The following MYO9B variants were observed in gnomAD, a reference collection of about 807,000 sequenced individuals.
MYO9B encodes unconventional myosin-IXb.
MYO9B carries 71 observed loss-of-function variants against 229.5 expected under a neutral mutation model. The observed-to-expected ratio is 0.31, with a 90% CI of 0.26 to 0.38. MYO9B has a LOEUF of 0.38. Among genes scored for constraint, MYO9B ranks in the 10% least tolerant of loss-of-function variants. The pLI, the probability that MYO9B is intolerant of heterozygous loss-of-function variation, is 1.00. For synonymous variants in MYO9B, 1,185 were observed against 1,235.8 expected (o/e 0.96, Z 0.86); for missense variants, 2,255 against 2,920.5 (o/e 0.77, Z 5.25).
chr19:17,206,608 C>T (rs1232482403), intron 33 of MYO9B, 71 bp from the exon 34 acceptor site: 16 of 1,394,436 alleles, frequency 1.1e-5, no homozygotes, highest in African/African-American at 4.3e-5. Context: ...CATCTCAGGT[C>T]GTGTTGGTGG....
intron 8 of MYO9B, among the ~76,000 whole-genome samples, chr19:17,161,016 T>G (rs1484106410): frequency 1.3e-5 from 2 of 151,680 alleles, no homozygotes; most frequent in African/African-American, 4.8e-5. Flanking sequence ...TTTTTTCCTT[T>G]TGCATCTTTA....
chr19:17,086,418 G>A (rs866810715), intron 1 of MYO9B, among the ~76,000 whole-genome samples: 4 of 152,294 alleles, frequency 2.6e-5, no homozygotes, highest in Non-Finnish European at 5.9e-5. Context: ...TGCCCTGAGC[G>A]CCGCCCCACA....
chr19:17,175,562 G>T (rs550371047), intron 13 of MYO9B, 101 bp from the exon 14 acceptor site: 2 of 952,602 alleles, frequency 2.1e-6, no homozygotes, highest in South Asian at 1.7e-5. Context: ...CTGGGTGACA[G>T]AGCAAGACTC....
At chr19:17,102,642 T>C in intron 2 of MYO9B, 85 bp downstream of exon 2, 1 of 1,452,160 alleles carries the variant, frequency 6.9e-7, no homozygotes, top group Non-Finnish European at 9.1e-7. Flanking sequence ...GGCCCACATC[T>C]ATAATCCCAA....
chr19:17,090,719 G>A (rs1053444261), intron 1 of MYO9B, among the ~76,000 whole-genome samples: 2 of 152,104 alleles, frequency 1.3e-5, no homozygotes, highest in South Asian at 2.1e-4. Flanking sequence ...GTGGTAGAGC[G>A]GGTGTGTTAG....
In MYO9B at chr19:17,195,223, G is replaced by A. The variant is rs866108014; in HGVS notation, c.3796G>A (p.Gly1266Ser). 1.1e-5 allele frequency: 17 copies of A among 1,610,946 alleles called. No individual in the cohort carries two copies. The African/African-American group carries it at 1.2e-4, about 11-fold the overall frequency. ...CAGCAGGGTCAGCCCACCGGCCCCTGGCAGCGCCCCCGAGACCCCCGAGGA... is the reference window on the plus strand; with the variant it reads ...CAGCAGGGTCAGCCCACCGGCCCCTAGCAGCGCCCCCGAGACCCCCGAGGA... ...LDSRVSPPAP[G>S]SAPETPEDKS... is the part of the protein sequence containing the mutation. The change falls in exon 22 of 40, where the codon GGC becomes AGC. Residue 1266 changes from glycine to serine, a missense_variant. Transcript: ENST00000682292. This position sits in a 1 kb window ranked among gnomAD's most constrained non-coding sequence, Gnocchi z 4.5.
intron 2 of MYO9B, among the ~76,000 whole-genome samples, chr19:17,138,585 T>C (rs1462418699): frequency 6.6e-6 from 1 of 151,844 alleles, no homozygotes; most frequent in Non-Finnish European, 1.5e-5. Context: ...GCCACTCAGT[T>C]GCATTTTTAA....
intron 6 of MYO9B, among the ~76,000 whole-genome samples, chr19:17,155,898 T>A (rs969467811): frequency 6.6e-6 from 1 of 151,912 alleles, no homozygotes; most frequent in African/African-American, 2.4e-5. Flanking sequence ...TGCACGCCTG[T>A]AATCCCAGCT....
At chr19:17,151,453 G>C (rs1398121600) in intron 3 of MYO9B, among the ~76,000 whole-genome samples, 4 of 152,082 alleles carry the variant, frequency 2.6e-5, no homozygotes, top group East Asian at 1.9e-4. Context: ...ACCAGCAAAG[G>C]ACTTGCATCT....
chr19:17,196,591 G>A (rs1205585348), intron 22 of MYO9B, among the ~76,000 whole-genome samples: 3 of 151,962 alleles, frequency 2.0e-5, no homozygotes, highest in African/African-American at 7.3e-5. Context: ...GCTGAGACAG[G>A]AGAATCGCTT....
chr19:17,112,380 C>T (rs1310862476), intron 2 of MYO9B, among the ~76,000 whole-genome samples: 2 of 152,194 alleles, frequency 1.3e-5, no homozygotes, highest in Admixed American at 6.5e-5. Context: ...TCCATCTGCA[C>T]GTTCTTCCCA....
chr19:17,123,732 A>G (rs558956830), intron 2 of MYO9B, among the ~76,000 whole-genome samples: 2 of 152,150 alleles, frequency 1.3e-5, no homozygotes, highest in Non-Finnish European at 2.9e-5. Context: ...TCTAAAAGAT[A>G]CAAGGAGAAA....
rs372737320 is a variant in MYO9B at position 17,211,874 on chromosome 19, C to T, written c.6059-21C>T. 1.5e-5 allele frequency: 24 copies of T among 1,591,994 alleles called. 1 individual carries two copies. The African/African-American group carries it at 3.2e-4, about 21-fold the overall frequency. On this transcript the variant is annotated intron_variant, in intron 39 of 39. Coordinates refer to ENST00000682292, the MANE Select transcript of MYO9B (RefSeq NM_004145.4). ...TGCCGGCCCTGAAGCTGCAGTAACC[C>T]TGCCATCTGTCTCTCAAAAGGGCCC... is the stretch of plus-strand genomic sequence containing the variant.
chr19:17,103,391 G>GGGAGAGAGGGAAAAAGGGAGC, intron 2 of MYO9B: 1 of 152,506 alleles, frequency 6.6e-6, no homozygotes, highest in South Asian at 2.1e-4. Flanking sequence ...AGGAGGCTGA[G>GGGAGAGAGGGAAAAAGGGAGC]GGAGAGAGGG....
chr19:17,182,878 C>T (rs1017827241), intron 15 of MYO9B, among the ~76,000 whole-genome samples: 1 of 152,142 alleles, frequency 6.6e-6, no homozygotes, highest in African/African-American at 2.4e-5. Context: ...TCTGAGAACA[C>T]AGGAGCTATC....
At chr19:17,097,276 A>G (rs889490713) in intron 1 of MYO9B, among the ~76,000 whole-genome samples, 1 of 151,844 alleles carries the variant, frequency 6.6e-6, no homozygotes, top group Non-Finnish European at 1.5e-5. Context: ...AGCCAAGATC[A>G]CAGCACTGTG....
At chr19:17,091,272 C>T (rs540966111) in intron 1 of MYO9B, among the ~76,000 whole-genome samples, 1 of 152,214 alleles carries the variant, frequency 6.6e-6, no homozygotes, top group Non-Finnish European at 1.5e-5. Context: ...GTGGCCCAGG[C>T]TGGAGTGCAG....
Position 17,175,761 on chromosome 19 carries a change from G to A in MYO9B, c.2219+20G>A. 1.3e-6 allele frequency: 2 copies of A among 1,553,898 alleles called. No individual in the cohort carries two copies. The highest frequency in any genetic ancestry group is 1.7e-6 in the Non-Finnish European group (2 of 1,145,704). ...TTACCGGTGAGCAAGACCCTGATTT[G>A]CCCAAACTGAAATCATTAGGTGGCA... On this transcript the variant is annotated intron_variant, in intron 14 of 39. Transcript: ENST00000682292.
At chr19:17,150,319 A>T (rs2072462715) in intron 3 of MYO9B, among the ~76,000 whole-genome samples, 1 of 152,004 alleles carries the variant, frequency 6.6e-6, no homozygotes, top group African/African-American at 2.4e-5. Flanking sequence ...GAGGCAGGAG[A>T]ATCACTTGAA....
Sources: allele counts gnomAD v4.1 joint callset (sites outside exome capture counted in the v4.1 genomes callset), GRCh38; gene constraint gnomAD v4.1.1; non-coding constraint Gnocchi (gnomAD v3.1); transcripts MANE v1.5; gene names NCBI Gene and HGNC (gene_info 2026-07-23, HGNC 2026-07-21).